Variants in RPS6KA5 observed in about 807,000 individuals in gnomAD.
RPS6KA5 encodes the protein ribosomal protein S6 kinase alpha-5.
In RPS6KA5, 27 loss-of-function variants were observed where a neutral mutation model predicts 85.5. The observed-to-expected ratio is 0.32, with a 90% CI of 0.23 to 0.44. The LOEUF (loss-of-function observed/expected upper bound fraction) is 0.44. Among genes scored for constraint, RPS6KA5 ranks in the 20% least tolerant of loss-of-function variants. The pLI is 1.00. For missense variants in RPS6KA5, 811 were observed against 980.9 expected (o/e 0.83, Z 2.31); for synonymous variants, 334 against 348.2 (o/e 0.96, Z 0.46).
chr14:91,007,261 T>C (rs924164068), intron 1 of RPS6KA5, among the ~76,000 whole-genome samples: 27 of 152,152 alleles, frequency 1.8e-4, no homozygotes, highest in Admixed American at 1.6e-3. Context: ...ATGAAAACTT[T>C]TGACAAATAT....
intron 1 of RPS6KA5, among the ~76,000 whole-genome samples, chr14:91,008,197 T>G (rs890724134): frequency 6.6e-6 from 1 of 152,174 alleles, no homozygotes; most frequent in Non-Finnish European, 1.5e-5. Context: ...TTTGATTAGA[T>G]CCAATGATTC....
chr14:91,023,585 T>C (rs2041874286), intron 1 of RPS6KA5, among the ~76,000 whole-genome samples: 1 of 152,160 alleles, frequency 6.6e-6, no homozygotes, highest in Admixed American at 6.5e-5. Flanking sequence ...GTGCCCAACC[T>C]CAAACTTTGT....
At chr14:91,034,067 G>A (rs1392954954) in intron 1 of RPS6KA5, among the ~76,000 whole-genome samples, 1 of 152,068 alleles carries the variant, frequency 6.6e-6, no homozygotes, top group Non-Finnish European at 1.5e-5. Context: ...ACACTTTTGA[G>A]AGGCTGAGGC....
At chr14:91,048,330 C>A (rs532999798) in intron 1 of RPS6KA5, among the ~76,000 whole-genome samples, 1 of 152,054 alleles carries the variant, frequency 6.6e-6, no homozygotes, top group Non-Finnish European at 1.5e-5. Flanking sequence ...ATATTATTTA[C>A]GCAGTTTTTG....
chr14:90,856,954 G>T lies in RPS6KA5; in HGVS notation c.*15120C>A. ...GTGTCTGGTTTCTTTACCTTTAACT[G>T]GTAGTTCTTCAGCCATTCCAAAGGG... is the stretch of plus-strand genomic sequence containing the variant. On this transcript the variant is annotated 3_prime_UTR_variant, in exon 17 of 17. Coordinates refer to ENST00000614987, the MANE Select transcript of RPS6KA5 (RefSeq NM_004755.4). 1 of 153,630 alleles carries T rather than the reference G, an allele frequency of 6.5e-6. No homozygotes were observed. Among genetic ancestry groups the T allele is most frequent in the South Asian group, 1.9e-4 (1 of 5,292 alleles). 9.5% of individuals were successfully genotyped at this position (153,630 alleles called of 1,614,324 possible). A position where few individuals can be genotyped will look rare whatever the true frequency, so the allele number is the denominator to read the frequency against.
chr14:90,920,137 C>A (rs2036329024), intron 7 of RPS6KA5, 69 bp downstream of exon 7: 7 of 1,005,214 alleles, frequency 7.0e-6, no homozygotes, highest in Non-Finnish European at 1.1e-5. Context: ...TTTACATCAG[C>A]CTAACCGCAG....
intron 1 of RPS6KA5, among the ~76,000 whole-genome samples, chr14:91,055,149 C>A (rs1460738883): frequency 6.6e-6 from 1 of 152,162 alleles, no homozygotes; most frequent in Non-Finnish European, 1.5e-5. Flanking sequence ...GAACTGGAGG[C>A]CTCATAAATT....
chr14:90,962,223 G>A (rs1180226474), intron 3 of RPS6KA5, among the ~76,000 whole-genome samples: 1 of 152,076 alleles, frequency 6.6e-6, no homozygotes, highest in Non-Finnish European at 1.5e-5. Flanking sequence ...TGTTAGTCTA[G>A]GAAGTACATA....
At position 90,934,660 on chromosome 14, in the gene RPS6KA5, T is replaced by TA. The variant is rs1040074672; in HGVS notation, c.618+8417dup. Reference sequence around the variant, plus strand: ...GTTGTTACTCACACTGAATCTACCTTAAAAAAAATCGTATTATGAATAAAC... The same window carrying TA: ...GTTGTTACTCACACTGAATCTACCTTAAAAAAAAATCGTATTATGAATAAAC... On this transcript the variant is annotated intron_variant, in intron 5 of 16. Transcript: ENST00000614987. 6.6e-5 allele frequency among the ~76,000 whole-genome samples: 10 copies of TA among 152,080 alleles called. 1 individual carries two copies. The South Asian group carries it at 1.5e-3, about 22-fold the overall frequency.
At chr14:90,943,911 G>A (rs1161669967) in intron 4 of RPS6KA5, among the ~76,000 whole-genome samples, 2 of 152,122 alleles carry the variant, frequency 1.3e-5, no homozygotes, top group Admixed American at 6.5e-5. Flanking sequence ...GGAGTGCAGT[G>A]GCGTGGTCCT....
rs2034801519 is a variant in RPS6KA5 at position 90,895,722 on chromosome 14, C to CA, written c.1474-1140dup. Among the ~76,000 whole-genome samples, 4 of 152,170 alleles carry CA rather than the reference C, an allele frequency of 2.6e-5. No homozygotes were observed. The South Asian group carries it at 8.3e-4, about 32-fold the overall frequency. On this transcript the variant is annotated intron_variant, in intron 12 of 16. Coordinates refer to ENST00000614987, the MANE Select transcript of RPS6KA5 (RefSeq NM_004755.4). ...GCAACATAGTGAGACCTCATCTCTA[C>CA]AAAAAATAATAACAAAAATTAGCCA...
chr14:90,948,181 A>G (rs2037972746), intron 3 of RPS6KA5, among the ~76,000 whole-genome samples: 1 of 152,266 alleles, frequency 6.6e-6, no homozygotes, highest in South Asian at 2.1e-4. Flanking sequence ...AAAAGGCTAC[A>G]TTAAGACATA....
intron 2 of RPS6KA5, among the ~76,000 whole-genome samples, chr14:90,995,970 C>T (rs2040499358): frequency 6.6e-6 from 1 of 152,090 alleles, no homozygotes; most frequent in South Asian, 2.1e-4. Flanking sequence ...GTTGCAGTCT[C>T]AGCTACTCAC....
intron 2 of RPS6KA5, among the ~76,000 whole-genome samples, chr14:90,998,450 T>C (rs1412731834): frequency 6.6e-6 from 1 of 152,182 alleles, no homozygotes; most frequent in Non-Finnish European, 1.5e-5. Flanking sequence ...ACAGCTATTA[T>C]AAAAACAATC....
At chr14:90,966,674 C>G (rs1050235448) in intron 3 of RPS6KA5, among the ~76,000 whole-genome samples, 1 of 152,146 alleles carries the variant, frequency 6.6e-6, no homozygotes, top group Non-Finnish European at 1.5e-5. Context: ...GACTAAAGTC[C>G]AAGGACAATT....
At chr14:91,058,150 C>A (rs2139981835) in intron 1 of RPS6KA5, among the ~76,000 whole-genome samples, 1 of 152,302 alleles carries the variant, frequency 6.6e-6, no homozygotes, top group South Asian at 2.1e-4. Context: ...AGATGAGCAA[C>A]TCTTTCAAGT....
In RPS6KA5 at chr14:90,902,958, C is replaced by T. The variant is rs761309319; in HGVS notation, c.969G>A (p.Trp323Ter). 6.2e-7 allele frequency: 1 copy of T among 1,608,154 alleles called. No individual in the cohort carries two copies. Among genetic ancestry groups the T allele is most frequent in the Non-Finnish European group, 8.5e-7 (1 of 1,176,706 alleles). The change falls in exon 9 of 17, where the codon TGG becomes TGA. Residue 323 changes from tryptophan (W) to a stop codon, truncating the protein, a stop_gained. Transcript: ENST00000614987. LOFTEE classifies it high-confidence loss of function. ...KEHLFFQKIN[W>*]DDLAAKKVPA... ...GCACTTTTTTGGCGGCTAAATCATC[C>T]CAATTTATTTTCTAAAACAAAGAAA... is the stretch of plus-strand genomic sequence containing the variant.
At chr14:91,014,938 T>C (rs560479262) in intron 1 of RPS6KA5, among the ~76,000 whole-genome samples, 1 of 152,236 alleles carries the variant, frequency 6.6e-6, no homozygotes, top group Non-Finnish European at 1.5e-5. Flanking sequence ...CAAATGAAGA[T>C]GCCAAGGAAC....
intron 1 of RPS6KA5, among the ~76,000 whole-genome samples, chr14:91,015,387 T>C (rs541158923): frequency 6.6e-6 from 1 of 152,060 alleles, no homozygotes; most frequent in Non-Finnish European, 1.5e-5. Context: ...AAAAAAAAAA[T>C]TAAACCATTA....
Sources: gnomAD v4.1 joint callset for allele counts (sites outside exome capture counted in the v4.1 genomes callset) on GRCh38, gnomAD v4.1.1 for gene constraint, MANE v1.5 for transcripts, NCBI Gene and HGNC (gene_info 2026-07-23, HGNC 2026-07-21) for gene names.